The following SLC6A19 variants were observed in gnomAD, a reference collection of about 807,000 sequenced individuals.
SLC6A19 encodes the protein sodium-dependent neutral amino acid transporter B(0)AT1.
In SLC6A19, 67 loss-of-function variants were observed where a neutral mutation model predicts 68.3. The ratio of observed to expected loss-of-function variants is 0.98; its 90% CI spans 0.81 to 1.20. SLC6A19 has a LOEUF of 1.20. Among genes scored for constraint, SLC6A19 ranks in the 50% most tolerant of loss-of-function variants. The probability of loss-of-function intolerance (pLI) is 0.00; values close to 1 mark genes in which losing one functional copy is unlikely to be tolerated. For missense variants in SLC6A19, 813 were observed against 851.6 expected (o/e 0.95, Z 0.56); for synonymous variants, 392 against 374.9 (o/e 1.05, Z -0.53).
In SLC6A19 at chr5:1,222,529, A is replaced by G. The variant is rs187597915; in HGVS notation, c.*625A>G. ...GACGTGTGTATATGTGAGCATGTGT[A>G]CGTGTGTGTATACGTGTGTTGTGTA... On this transcript the variant is annotated 3_prime_UTR_variant, in exon 12 of 12. Coordinates refer to ENST00000304460, the MANE Select transcript of SLC6A19 (RefSeq NM_001003841.3). 41 of 404,876 alleles carry G rather than the reference A, an allele frequency of 1.0e-4. No individual in the cohort carries two copies. The highest frequency in any genetic ancestry group is 3.2e-4 in the Admixed American group (8 of 25,246). 25.1% of individuals were successfully genotyped at this position (404,876 alleles called of 1,614,324 possible). A position where few individuals can be genotyped will look rare whatever the true frequency, so the allele number is the denominator to read the frequency against.
chr5:1,217,138 G>A (rs915488529), intron 8 of SLC6A19, among the ~76,000 whole-genome samples, 193 bp downstream of exon 8: 1 of 152,252 alleles, frequency 6.6e-6, no homozygotes, highest in African/African-American at 2.4e-5. Flanking sequence ...GCCAGGCCAC[G>A]AGATTTCACT....
In SLC6A19 at chr5:1,212,060, T is replaced by G. The variant is rs576790065; in HGVS notation, c.482-243T>G. The stretch of plus-strand genomic sequence containing the variant: ...CTGTGTGTGTGTGTGCATGTGCATG[T>G]GTGGGGTGTGCAGGTGCATGGACCA... On this transcript the variant is annotated intron_variant, in intron 3 of 11. Transcript: ENST00000304460. This position sits in a 1 kb window ranked among gnomAD's most constrained non-coding sequence, Gnocchi z 5.1. Among the ~76,000 whole-genome samples the G allele has an allele frequency of 6.6e-6, 1 of 150,802 alleles. No individual in the cohort carries two copies. Among genetic ancestry groups the G allele is most frequent in the Admixed American group, 6.6e-5 (1 of 15,182 alleles).
In SLC6A19 at chr5:1,222,005, G is replaced by A. The variant is rs376102422; in HGVS notation, c.*101G>A. The A allele has an allele frequency of 8.9e-5, 114 of 1,278,654 alleles. No individual in the cohort carries two copies. Among genetic ancestry groups the A allele is most frequent in the South Asian group, 5.4e-4 (40 of 74,622 alleles). 79.2% of individuals were successfully genotyped at this position (1,278,654 alleles called of 1,614,324 possible). A position where few individuals can be genotyped will look rare whatever the true frequency, so the allele number is the denominator to read the frequency against. On this transcript the variant is annotated 3_prime_UTR_variant, in exon 12 of 12. Transcript: ENST00000304460. ...GGGCTGCACCTGCATGTGTGTAAGC[G>A]TGAGTGTATGCTCGTGTGTGAGTGT...
rs578198609 is a variant in SLC6A19, at chr5:1,214,492, G to A, written c.887+427G>A. Among the ~76,000 whole-genome samples the A allele has an allele frequency of 6.6e-5, 10 of 152,298 alleles. No homozygotes were observed. The highest frequency in any genetic ancestry group is 4.1e-4 in the South Asian group (2 of 4,830). On this transcript the variant is annotated intron_variant, in intron 6 of 11. Transcript: ENST00000304460. This position sits in a 1 kb window ranked among gnomAD's most constrained non-coding sequence, Gnocchi z 7.4. ...TGCCCCTTCCCCACGTACCCACTGC[G>A]CTTCCCAATGCCCCTGGGAAGGATG...
rs771918760 is a variant in SLC6A19 at position 1,221,338 on chromosome 5, G to A, written c.1701+25G>A. ...CGTAAGTGTCCAGGCAGTCGCCTGG[G>A]GTGGGGAGAGGAATGGGGAAGGGGA... On this transcript the variant is annotated intron_variant, in intron 11 of 11. Transcript: ENST00000304460. 8.7e-6 allele frequency: 14 copies of A among 1,610,780 alleles called. No individual in the cohort carries two copies. The African/African-American group carries it at 1.2e-4, about 14-fold the overall frequency.
rs966826187 is a variant in SLC6A19 at position 1,223,640 on chromosome 5, G to A, written c.*1736G>A. 1.2e-4 allele frequency: 18 copies of A among 152,056 alleles called. No individual in the cohort carries two copies. Among genetic ancestry groups the A allele is most frequent in the African/African-American group, 4.3e-4 (18 of 41,534 alleles). 9.4% of individuals were successfully genotyped at this position (152,056 alleles called of 1,614,324 possible). A position where few individuals can be genotyped will look rare whatever the true frequency, so the allele number is the denominator to read the frequency against. ...GTGTTCTGAGAGTTCCTACGGACAGGTCACCTCCGCTTTGCATGGAAGAAT... is the reference window on the plus strand; with the variant it reads ...GTGTTCTGAGAGTTCCTACGGACAGATCACCTCCGCTTTGCATGGAAGAAT... On this transcript the variant is annotated 3_prime_UTR_variant, in exon 12 of 12. Coordinates refer to ENST00000304460, the MANE Select transcript of SLC6A19 (RefSeq NM_001003841.3).
chr5:1,204,729 G>T (rs1036584328), intron 1 of SLC6A19, among the ~76,000 whole-genome samples: 1 of 152,212 alleles, frequency 6.6e-6, no homozygotes, highest in African/African-American at 2.4e-5. Flanking sequence ...GGTGGCGTGC[G>T]GGAGCCGGAG....
rs539396106 is a variant in SLC6A19 at position 1,218,159 on chromosome 5, G to A, written c.1174-744G>A. 1.7e-3 allele frequency among the ~76,000 whole-genome samples: 257 copies of A among 152,322 alleles called. 1 individual carries two copies. Among genetic ancestry groups the A allele is most frequent in the South Asian group, 3.3e-3 (16 of 4,826 alleles). On this transcript the variant is annotated intron_variant, in intron 8 of 11. Transcript: ENST00000304460. ...CTCTTCAGAGCCCTCCACAAGCCAC[G>A]TCCTGCTGTGCAAGGGGTTCCACTC... is the stretch of plus-strand genomic sequence containing the variant.
At chr5:1,218,860 CA>C in intron 8 of SLC6A19, 42 bp from the exon 9 acceptor site, 1 of 1,598,714 alleles carries the variant, frequency 6.3e-7, no homozygotes, top group South Asian at 1.1e-5. Flanking sequence ...AGACGGAGCC[CA>C]CGGAGGGCAG....
At position 1,221,803 on chromosome 5, in the gene SLC6A19, A is replaced by C; in HGVS notation, c.1804A>C (p.Ile602Leu). The change falls in exon 12 of 12, where the codon ATC becomes CTC. Residue 602 changes from isoleucine (I) to leucine (L), a missense_variant. Physicochemically the swap from Ile to Leu is conservative, Grantham distance 5. Transcript: ENST00000304460. ...VPSLTIPGYA[I>L]YKLIRNHCQK... ...CTCCCTCACCATCCCTGGCTATGCC[A>C]TCTACAAGCTCATCAGGAACCACTG... 6.2e-7 allele frequency: 1 copy of C among 1,614,198 alleles called. No individual in the cohort carries two copies. The highest frequency in any genetic ancestry group is 8.5e-7 in the Non-Finnish European group (1 of 1,180,028).
intron 3 of SLC6A19, among the ~76,000 whole-genome samples, chr5:1,211,228 T>TC (rs1024092643): frequency 1.3e-5 from 2 of 152,164 alleles, no homozygotes; most frequent in Non-Finnish European, 2.9e-5. Context: ...AGACAGGTCC[T>TC]CCCACGATAC....
intron 1 of SLC6A19, among the ~76,000 whole-genome samples, chr5:1,207,471 A>G (rs548880110): frequency 1.3e-5 from 2 of 152,362 alleles, no homozygotes; most frequent in South Asian, 2.1e-4. Flanking sequence ...AAGCTGACCT[A>G]TGCTTTTCAG....
In SLC6A19 at chr5:1,215,770, C is replaced by G. The variant is rs1746191036; in HGVS notation, c.888-788C>G. On this transcript the variant is annotated intron_variant, in intron 6 of 11. Coordinates refer to ENST00000304460, the MANE Select transcript of SLC6A19 (RefSeq NM_001003841.3). This position sits in a 1 kb window ranked among gnomAD's most constrained non-coding sequence, Gnocchi z 5.1. ...GCGCCTAGGAGTGGAGTTGCTGCGT[C>G]ATGCTGGCCTCTACATGCAGTCCTT... Among the ~76,000 whole-genome samples the G allele has an allele frequency of 6.6e-6, 1 of 152,212 alleles. No individual in the cohort carries two copies. The highest frequency in any genetic ancestry group is 2.1e-4 in the South Asian group (1 of 4,836).
rs761761040 is a variant in SLC6A19 at position 1,208,798 on chromosome 5, G to A, written c.255G>A (p.Leu85=). Residue 85 remains leucine, a synonymous_variant, in exon 2 of 12, where the codon CTG becomes CTA. Transcript: ENST00000304460. ...TGCTGGTCCTGGAGGGCATCCCCCTGCTGTACCTGGAGTTCGCCATCGGGC... is the reference window on the plus strand; with the variant it reads ...TGCTGGTCCTGGAGGGCATCCCCCTACTGTACCTGGAGTTCGCCATCGGGC... The part of the protein sequence containing the change: ...LILLVLEGIP[L]LYLEFAIGQR... 6 of 1,613,342 alleles carry A rather than the reference G, an allele frequency of 3.7e-6. No individual in the cohort carries two copies. Among genetic ancestry groups the A allele is most frequent in the Admixed American group, 3.3e-5 (2 of 60,034 alleles).
In SLC6A19 at chr5:1,222,631, A is replaced by G. The variant is rs539051952; in HGVS notation, c.*727A>G. ...TGTGTGCATATTCAGGCAGGTGTGC[A>G]TTTGTGCATGCCAGTGTGTATGTAT... On this transcript the variant is annotated 3_prime_UTR_variant, in exon 12 of 12. Transcript: ENST00000304460. 3.7e-6 allele frequency: 1 copy of G among 270,528 alleles called. No individual in the cohort carries two copies. The highest frequency in any genetic ancestry group is 7.0e-6 in the Non-Finnish European group (1 of 142,682). 16.8% of individuals were successfully genotyped at this position (270,528 alleles called of 1,614,324 possible).
Position 1,221,218 on chromosome 5 carries a change from G to T in SLC6A19, c.1606G>T (p.Val536Leu). 2 of 1,614,138 alleles carry T rather than the reference G, an allele frequency of 1.2e-6. No individual in the cohort carries two copies. Among genetic ancestry groups the T allele is most frequent in the Non-Finnish European group, 1.7e-6 (2 of 1,180,024 alleles). ...PNIFWQVTWR[V>L]VSPLLMLIIF... ...CATCTTCTGGCAAGTCACGTGGCGC[G>T]TGGTCAGCCCCCTGCTCATGCTGAT... The change falls in exon 11 of 12, where the codon GTG becomes TTG. Residue 536 changes from valine (V) to leucine (L), a missense_variant. By Grantham distance (32) the Val-to-Leu change is conservative. Coordinates refer to ENST00000304460, the MANE Select transcript of SLC6A19 (RefSeq NM_001003841.3).
intron 8 of SLC6A19, among the ~76,000 whole-genome samples, chr5:1,217,510 A>G (rs922622566): frequency 4.6e-5 from 7 of 152,224 alleles, no homozygotes; most frequent in Non-Finnish European, 7.3e-5. Context: ...GAGCCACCCC[A>G]TATTTTGCGG....
Position 1,216,811 on chromosome 5 carries a change from G to A in SLC6A19, c.1039G>A (p.Gly347Arg), listed in dbSNP as rs758669599. Residue 347 changes from glycine to arginine, a missense_variant, in exon 8 of 12, where the codon GGG (glycine) becomes AGG (arginine). Physicochemically the swap from Gly to Arg is moderately radical, Grantham distance 125. Transcript: ENST00000304460. ...FSTNILTLIN[G>R]FDLPEGNVTQ... ...CAGGAACATCCTGACCCTCATCAACGGGTTCGACCTGCCTGAAGGCAACGT... is the reference window on the plus strand; with the variant it reads ...CAGGAACATCCTGACCCTCATCAACAGGTTCGACCTGCCTGAAGGCAACGT... 111 of 1,613,696 alleles carry A rather than the reference G, an allele frequency of 6.9e-5. No individual in the cohort carries two copies. The highest frequency in any genetic ancestry group is 1.6e-4 in the Middle Eastern group (1 of 6,084).
intron 1 of SLC6A19, among the ~76,000 whole-genome samples, chr5:1,206,412 C>A (rs1745854733): frequency 1.2e-5 from 1 of 86,414 alleles, no homozygotes; most frequent in African/African-American, 2.8e-5. Flanking sequence ...GTCTCTGTCT[C>A]TCTGTGTCAC....
Sources: allele counts gnomAD v4.1 joint callset (sites outside exome capture counted in the v4.1 genomes callset), GRCh38; gene constraint gnomAD v4.1.1; non-coding constraint Gnocchi (gnomAD v3.1); transcripts MANE v1.5; gene names NCBI Gene and HGNC (gene_info 2026-07-23, HGNC 2026-07-21).